Variants in ODAD2 observed in about 807,000 individuals in gnomAD.
ODAD2 encodes the protein outer dynein arm docking complex subunit 2, also known as outer dynein arm-docking complex subunit 2.
A neutral mutation model predicts 106.8 loss-of-function variants in ODAD2; 89 were observed. That is an observed-to-expected ratio of 0.83 (90% confidence interval 0.70 to 0.99). The LOEUF (loss-of-function observed/expected upper bound fraction) is 0.99. ODAD2 is among the 50% of genes least tolerant of loss of function. The probability of loss-of-function intolerance (pLI) is 0.00; values close to 1 mark genes in which losing one functional copy is unlikely to be tolerated. For synonymous variants in ODAD2, 404 were observed against 436.2 expected (o/e 0.93, Z 0.92); for missense variants, 1,168 against 1,238.5 (o/e 0.94, Z 0.85).
At chr10:27,853,393 A>AATAAATAG (rs761707365) in intron 19 of ODAD2, 1 of 279,476 alleles carries the variant, frequency 3.6e-6, no homozygotes, top group Non-Finnish European at 7.1e-6. Context: ...TAAATAAATA[A>AATAAATAG]AAGTAAGCCC....
At chr10:27,955,788 G>T (rs540749916) in intron 10 of ODAD2, among the ~76,000 whole-genome samples, 9 of 149,662 alleles carry the variant, frequency 6.0e-5, no homozygotes, top group African/African-American at 2.2e-4. Context: ...CCCCACAAAT[G>T]CAGTCTTTAA....
At chr10:27,898,051 T>C (rs1257393212) in intron 17 of ODAD2, among the ~76,000 whole-genome samples, 2 of 152,120 alleles carry the variant, frequency 1.3e-5, no homozygotes, top group Non-Finnish European at 2.9e-5. Context: ...GAGTTGAAAT[T>C]CATAAGAAGA....
intron 17 of ODAD2, among the ~76,000 whole-genome samples, chr10:27,906,676 T>C (rs1232686551): frequency 6.6e-6 from 1 of 152,182 alleles, no homozygotes; most frequent in Admixed American, 6.5e-5. Flanking sequence ...TGGAATACTA[T>C]GCAGCCATAA....
chr10:27,987,886 G>T (rs1849976756), intron 2 of ODAD2, among the ~76,000 whole-genome samples: 1 of 149,820 alleles, frequency 6.7e-6, no homozygotes, highest in Admixed American at 6.7e-5. Flanking sequence ...AAAATCATTG[G>T]TTCTGCAAAA....
intron 17 of ODAD2, among the ~76,000 whole-genome samples, chr10:27,904,040 A>G (rs1843405864): frequency 6.6e-6 from 1 of 152,238 alleles, no homozygotes; most frequent in Non-Finnish European, 1.5e-5. Flanking sequence ...GCAGACAACA[A>G]TCTGAGGTTT....
rs754157507 is a variant in ODAD2, at chr10:27,812,542, A to G, written c.3105T>C (p.Ala1035=). 8.1e-6 allele frequency: 13 copies of G among 1,613,238 alleles called. No homozygotes were observed. In the South Asian group the frequency reaches 1.2e-4, roughly 15 times the overall value. The change falls in exon 20 of 20, where the codon GCT becomes GCC. Residue 1035 remains alanine (A), a synonymous_variant. Coordinates refer to ENST00000305242, the MANE Select transcript of ODAD2 (RefSeq NM_018076.5). The part of the protein sequence containing the change: ...AGCISNIRRL[A]LATEKARYT ...TGTATCTTGCCTTCTCTGTAGCAAG[A>G]GCCAGCCTGCGGATATTGGATATAC...
chr10:27,818,168 GT>G (rs1456321265), intron 19 of ODAD2, among the ~76,000 whole-genome samples: 19 of 151,474 alleles, frequency 1.3e-4, no homozygotes, highest in African/African-American at 4.1e-4. Context: ...CAATGGGCCT[GT>G]TTTTTCCTCA....
Position 27,983,954 on chromosome 10 carries a change from T to G in ODAD2, c.708A>C (p.Arg236=), listed in dbSNP as rs1348438595. 5.6e-6 allele frequency: 9 copies of G among 1,608,262 alleles called. No homozygotes were observed. Among genetic ancestry groups the G allele is most frequent in the Non-Finnish European group, 7.6e-6 (9 of 1,178,886 alleles). The change falls in exon 6 of 20, where the codon CGA becomes CGC. Residue 236 remains arginine (R), a synonymous_variant. Coordinates refer to ENST00000305242, the MANE Select transcript of ODAD2 (RefSeq NM_018076.5). The part of the protein sequence containing the change: ...TSDYEFSNGC[R]APPWRQIRGE... Reference sequence around the variant, plus strand: ...CACGAATTTGTCTCCACGGTGGGGCTCGACATCCATTTGAAAATTCATAAT... The same window carrying G: ...CACGAATTTGTCTCCACGGTGGGGCGCGACATCCATTTGAAAATTCATAAT...
intron 17 of ODAD2, among the ~76,000 whole-genome samples, chr10:27,864,774 C>A (rs1335265375): frequency 6.6e-6 from 1 of 152,048 alleles, no homozygotes; most frequent in Non-Finnish European, 1.5e-5. Flanking sequence ...AATTACTTGG[C>A]TCTATCACTT....
chr10:27,820,876 G>A (rs570062461), intron 19 of ODAD2, among the ~76,000 whole-genome samples: 1 of 149,122 alleles, frequency 6.7e-6, no homozygotes, highest in South Asian at 2.1e-4. Flanking sequence ...TCTGACTCCC[G>A]GATTCAAGCC....
intron 17 of ODAD2, among the ~76,000 whole-genome samples, chr10:27,881,657 G>A (rs182069846): frequency 7.2e-5 from 11 of 151,846 alleles, no homozygotes; most frequent in Admixed American, 6.6e-4. Context: ...TGAAAAGAAT[G>A]AGCCGGCAAA....
At chr10:27,873,557 C>T (rs1841078312) in intron 17 of ODAD2, among the ~76,000 whole-genome samples, 1 of 148,544 alleles carries the variant, frequency 6.7e-6, no homozygotes, top group Non-Finnish European at 1.5e-5. Context: ...TGTGTTGTGT[C>T]TTTGTTCTCA....
chr10:27,888,456 T>G (rs1842371172), intron 17 of ODAD2, among the ~76,000 whole-genome samples: 1 of 152,184 alleles, frequency 6.6e-6, no homozygotes, highest in Non-Finnish European at 1.5e-5. Context: ...CTGTTGGCTA[T>G]TTGTACGTCT....
chr10:27,994,335 A>T (rs1850418484), intron 2 of ODAD2, among the ~76,000 whole-genome samples: 2 of 152,114 alleles, frequency 1.3e-5, no homozygotes, highest in Non-Finnish European at 2.9e-5. Context: ...TTTAAATACC[A>T]GAAGAGATTT....
intron 10 of ODAD2, among the ~76,000 whole-genome samples, chr10:27,949,603 G>T (rs1002957788): frequency 2.0e-5 from 3 of 152,200 alleles, no homozygotes; most frequent in Non-Finnish European, 2.9e-5. Flanking sequence ...GCCCAGGGTG[G>T]GAGCGTGGTG....
chr10:27,897,779 G>C (rs1474945109), intron 17 of ODAD2, among the ~76,000 whole-genome samples: 1 of 152,094 alleles, frequency 6.6e-6, no homozygotes, highest in African/African-American at 2.4e-5. Context: ...TTTCCTTTAA[G>C]ACAAGAAGAG....
chr10:27,884,051 G>A (rs1251923069), intron 17 of ODAD2, among the ~76,000 whole-genome samples: 1 of 152,088 alleles, frequency 6.6e-6, no homozygotes. Flanking sequence ...CAAATTTGAT[G>A]AGAAACTTTA....
intron 17 of ODAD2, 107 bp from the exon 18 acceptor site, chr10:27,862,729 A>G (rs1386157378): frequency 6.2e-6 from 4 of 648,140 alleles, no homozygotes; most frequent in Non-Finnish European, 9.9e-6. Flanking sequence ...CTTTGGCATG[A>G]AAGACTACTT....
At chr10:27,930,205 C>G (rs1419819335) in intron 16 of ODAD2, among the ~76,000 whole-genome samples, 1 of 151,924 alleles carries the variant, frequency 6.6e-6, no homozygotes, top group Non-Finnish European at 1.5e-5. Flanking sequence ...TGACTACTTG[C>G]TTTTAAAACT....
Sources: allele counts gnomAD v4.1 joint callset (sites outside exome capture counted in the v4.1 genomes callset), GRCh38; gene constraint gnomAD v4.1.1; transcripts MANE v1.5; gene names NCBI Gene and HGNC (gene_info 2026-07-23, HGNC 2026-07-21).